Variants in ZNF225 observed in about 807,000 individuals in gnomAD.
ZNF225 encodes the protein zinc finger protein 225.
Under a neutral mutation model 12.0 loss-of-function variants are expected in ZNF225, and 6 were observed. That is an observed-to-expected ratio of 0.50 (90% CI 0.27 to 0.98). The LOEUF (loss-of-function observed/expected upper bound fraction) is 0.98, where lower values mean the gene tolerates loss of function less well. ZNF225 is among the 50% of genes least tolerant of loss of function. The pLI, the probability that ZNF225 is intolerant of heterozygous loss-of-function variation, is 0.11. For synonymous variants in ZNF225, 271 were observed against 283.2 expected (o/e 0.96, Z 0.43); for missense variants, 763 against 848.2 (o/e 0.90, Z 1.25).
chr19:44,128,903 C>A (rs16978732), intron 4 of ZNF225: 2 of 438,482 alleles, frequency 4.6e-6, no homozygotes, highest in Non-Finnish European at 3.8e-6. Flanking sequence ...TTTCTGCTAT[C>A]TGTTTTCAAT....
intron 2 of ZNF225, among the ~76,000 whole-genome samples, chr19:44,116,164 ATTTC>A (rs1317741908): frequency 6.6e-6 from 1 of 152,146 alleles, no homozygotes; most frequent in Non-Finnish European, 1.5e-5. Context: ...GCCCGGCCGT[ATTTC>A]TTCTCACTAC....
intron 4 of ZNF225, among the ~76,000 whole-genome samples, chr19:44,120,627 C>T (rs1968033915): frequency 6.6e-6 from 1 of 152,162 alleles, no homozygotes; most frequent in South Asian, 2.1e-4. Context: ...TCACCTACAT[C>T]CCATGGAAAC....
rs1450109262 is a variant in ZNF225 at position 44,132,336 on chromosome 19, G to A, written c.1722G>A (p.Gly574=). Residue 574 remains glycine (G), a synonymous_variant, in exon 5 of 5, where the codon GGG becomes GGA. Transcript: ENST00000262894. Reference sequence around the variant, plus strand: ...GACCTTATAATTGTAAAGAATGTGGGAAGAGCTTTAGCCGGGCCTCAAGTA... The same window carrying A: ...GACCTTATAATTGTAAAGAATGTGGAAAGAGCTTTAGCCGGGCCTCAAGTA... ...GERPYNCKEC[G]KSFSRASSIL... is the part of the protein sequence containing the mutation. 1.2e-6 allele frequency: 2 copies of A among 1,614,080 alleles called. No homozygotes were observed. The highest frequency in any genetic ancestry group is 1.7e-5 in the Admixed American group (1 of 60,016).
chr19:44,117,757 G>C (rs1407149650), intron 2 of ZNF225, among the ~76,000 whole-genome samples: 2 of 152,198 alleles, frequency 1.3e-5, no homozygotes, highest in African/African-American at 2.4e-5. Flanking sequence ...AGTGGCTCAT[G>C]CCTGTAATCC....
At chr19:44,125,726 A>G (rs1282789121) in intron 4 of ZNF225, among the ~76,000 whole-genome samples, 4 of 152,036 alleles carry the variant, frequency 2.6e-5, no homozygotes, top group African/African-American at 7.2e-5. Context: ...GGCTTTGTTT[A>G]TATTTTCTTA....
In ZNF225 at chr19:44,131,459, A is replaced by G. The variant is rs1260442583; in HGVS notation, c.845A>G (p.His282Arg). 1.9e-6 allele frequency: 3 copies of G among 1,614,102 alleles called. No homozygotes were observed. In the East Asian group the frequency reaches 6.7e-5, roughly 36 times the overall value. The stretch of plus-strand genomic sequence containing the variant: ...CAGCTTCAGGAACATCAAAGAATCC[A>G]TACTGGGGAGAAGCCATTCAAATGT... ...DSQLQEHQRI[H>R]TGEKPFKCDI... Residue 282 changes from histidine to arginine, a missense_variant, in exon 5 of 5, where the codon CAT (histidine) becomes CGT (arginine). Physicochemically the swap from His to Arg is conservative, Grantham distance 29 (BLOSUM62 0). Transcript: ENST00000262894.
Position 44,131,545 on chromosome 19 carries a change from A to G in ZNF225, c.931A>G (p.Met311Val), listed in dbSNP as rs116382957. ...TCTTAATAGGCATTCCATGGTTCAC[A>G]TGCGAGAGAAACCATTCAGATGTGA... ...ANLNRHSMVH[M>V]REKPFRCDTC... The change falls in exon 5 of 5, where the codon ATG becomes GTG. Residue 311 changes from methionine (M) to valine (V), a missense_variant. Physicochemically the swap from Met to Val is conservative, Grantham distance 21. Transcript: ENST00000262894. 70 of 1,614,222 alleles carry G rather than the reference A, an allele frequency of 4.3e-5. No homozygotes were observed. The African/African-American group carries it at 8.1e-4, about 19-fold the overall frequency.
At chr19:44,118,645 C>T in intron 4 of ZNF225, 71 bp downstream of exon 4, 1 of 1,453,752 alleles carries the variant, frequency 6.9e-7, no homozygotes, top group Non-Finnish European at 9.5e-7. Context: ...CATTGCCCAG[C>T]TCTGTTGTCC....
chr19:44,132,752 T>C lies in ZNF225; in HGVS notation c.*17T>C. 1 of 1,527,484 alleles carries C rather than the reference T, an allele frequency of 6.5e-7. No homozygotes were observed. Among genetic ancestry groups the C allele is most frequent in the Non-Finnish European group, 8.8e-7 (1 of 1,134,166 alleles). The allele number at this position is 1,527,484 out of a possible 1,614,324, so 94.6% of individuals were successfully genotyped here. A position where few individuals can be genotyped will look rare whatever the true frequency, so the allele number is the denominator to read the frequency against. ...GACACATAACTGTTGTACTCATTTATGGGGTACAGTGTGATAGTTAATGCA... is the reference window on the plus strand; with the variant it reads ...GACACATAACTGTTGTACTCATTTACGGGGTACAGTGTGATAGTTAATGCA... On this transcript the variant is annotated 3_prime_UTR_variant, in exon 5 of 5. Transcript: ENST00000262894.
chr19:44,118,178 G>A lies in ZNF225; in HGVS notation c.16-10G>A, dbSNP rs773257562. 1.4e-5 allele frequency: 22 copies of A among 1,608,188 alleles called. No individual in the cohort carries two copies. The highest frequency in any genetic ancestry group is 8.8e-5 in the South Asian group (8 of 90,670). ...CATGAGACTGAGGTTGCATATGTTCGATGCTGTAGGAGGCAGTGACCTTCA... is the reference window on the plus strand; with the variant it reads ...CATGAGACTGAGGTTGCATATGTTCAATGCTGTAGGAGGCAGTGACCTTCA... On this transcript the variant is annotated splice_polypyrimidine_tract_variant and intron_variant, in intron 2 of 4. Transcript: ENST00000262894.
chr19:44,123,690 G>A (rs1045201624), intron 4 of ZNF225, among the ~76,000 whole-genome samples: 3 of 152,038 alleles, frequency 2.0e-5, no homozygotes, highest in African/African-American at 7.2e-5. Flanking sequence ...GTCTGTTCAG[G>A]ATATCTAATT....
intron 2 of ZNF225, among the ~76,000 whole-genome samples, 194 bp from the exon 3 acceptor site, chr19:44,117,994 G>A (rs996933301): frequency 8.5e-5 from 13 of 152,114 alleles, no homozygotes; most frequent in African/African-American, 2.7e-4. Context: ...ACTCCAGCCC[G>A]GGCAACAGAG....
intron 4 of ZNF225, among the ~76,000 whole-genome samples, chr19:44,120,998 G>A (rs920788188): frequency 6.6e-6 from 1 of 151,836 alleles, no homozygotes; most frequent in Non-Finnish European, 1.5e-5. Context: ...CCAGGTTCAC[G>A]CCATTCTCCT....
Position 44,131,563 on chromosome 19 carries a change from A to G in ZNF225, c.949A>G (p.Arg317Gly), listed in dbSNP as rs2147577940. ...SMVHMREKPF[R>G]CDTCGKSFGL... ...GGTTCACATGCGAGAGAAACCATTCAGATGTGATACATGTGGTAAGAGCTT... is the reference window on the plus strand; with the variant it reads ...GGTTCACATGCGAGAGAAACCATTCGGATGTGATACATGTGGTAAGAGCTT... Residue 317 changes from arginine to glycine, a missense_variant, in exon 5 of 5, where the codon AGA (arginine) becomes GGA (glycine). By Grantham distance (125) the Arg-to-Gly change is moderately radical. Coordinates refer to ENST00000262894, the MANE Select transcript of ZNF225 (RefSeq NM_013362.4). The G allele has an allele frequency of 1.9e-6, 3 of 1,614,218 alleles. No homozygotes were observed. The highest frequency in any genetic ancestry group is 4.5e-5 in the East Asian group (2 of 44,890).
chr19:44,112,969 G>C (rs2147546067), upstream of ZNF225: 1 of 152,318 alleles, frequency 6.6e-6, no homozygotes. Context: ...GGAGAGAGAA[G>C]GACGACTCTC....
chr19:44,129,197 A>G, intron 4 of ZNF225: 1 of 901,422 alleles, frequency 1.1e-6, no homozygotes, highest in Non-Finnish European at 1.5e-6. Flanking sequence ...AGACATAAAT[A>G]CTCCTAGGTA....
intron 2 of ZNF225, among the ~76,000 whole-genome samples, chr19:44,117,934 A>T (rs1967972715): frequency 6.6e-6 from 1 of 152,150 alleles, no homozygotes. Context: ...CGGGAGGATC[A>T]CTTGAACCTG....
In ZNF225 at chr19:44,115,842, G is replaced by T. The variant is rs761674619; in HGVS notation, c.15G>T (p.Lys5Asn). The T allele has an allele frequency of 1.2e-6, 2 of 1,612,788 alleles. No individual in the cohort carries two copies. The highest frequency in any genetic ancestry group is 1.7e-6 in the Non-Finnish European group (2 of 1,179,348). ...TAGGAGGAAAAATGACCACGTTGAAGGTGAGTAGAGCTTGCCTCTCTTGCT... is the reference window on the plus strand; with the variant it reads ...TAGGAGGAAAAATGACCACGTTGAATGTGAGTAGAGCTTGCCTCTCTTGCT... MTTL[K>N]EAVTFKDVAV... The change falls in exon 2 of 5, where the codon AAG (lysine) becomes AAT (asparagine). Residue 5 changes from lysine to asparagine, a missense_variant and splice_region_variant. Physicochemically the swap from Lys to Asn is moderately conservative, Grantham distance 94. Coordinates refer to ENST00000262894, the MANE Select transcript of ZNF225 (RefSeq NM_013362.4).
chr19:44,123,971 TTTG>T (rs763479349), intron 4 of ZNF225, among the ~76,000 whole-genome samples: 17 of 128,928 alleles, frequency 1.3e-4, no homozygotes, highest in Non-Finnish European at 2.1e-4. Flanking sequence ...TTTTGTATTT[TTTG>T]TTTTGTTTTG....
Sources: gnomAD v4.1 joint callset for allele counts (sites outside exome capture counted in the v4.1 genomes callset) on GRCh38, gnomAD v4.1.1 for gene constraint, MANE v1.5 for transcripts, NCBI Gene and HGNC (gene_info 2026-07-23, HGNC 2026-07-21) for gene names.